Variants in DOCK1 observed in about 807,000 individuals in gnomAD.
The protein encoded by DOCK1 is dedicator of cytokinesis protein 1.
Under a neutral mutation model 262.7 loss-of-function variants are expected in DOCK1, and 138 were observed. That is an observed-to-expected ratio of 0.53 (90% CI 0.46 to 0.61). The LOEUF is 0.61. Ranked by LOEUF, DOCK1 falls within the 20% of genes least tolerant of loss-of-function variation. DOCK1 has a pLI of 0.00. For synonymous variants in DOCK1, 866 were observed against 867.4 expected (o/e 1.00, Z 0.03); for missense variants, 1,908 against 2,370.7 (o/e 0.80, Z 4.05).
chr10:127,031,688 G>A lies in DOCK1; in HGVS notation c.1663G>A (p.Val555Ile). The change falls in exon 17 of 52, where the codon GTC (valine) becomes ATC (isoleucine). Residue 555 changes from valine to isoleucine, a missense_variant. Physicochemically the swap from Val to Ile is conservative, Grantham distance 29. Coordinates refer to ENST00000623213, the MANE Select transcript of DOCK1 (RefSeq NM_001290223.2). Reference protein sequence around the residue: ...KSEKIFALAFVKLMRYDGTTL... With the variant: ...KSEKIFALAFIKLMRYDGTTL... ...TGAGAAAATATTTGCACTAGCATTT[G>A]TCAAGCTGATGAGATACGATGGTAC... 1.2e-6 allele frequency: 2 copies of A among 1,612,796 alleles called. No homozygotes were observed. Among genetic ancestry groups the A allele is most frequent in the Non-Finnish European group, 8.5e-7 (1 of 1,179,750 alleles).
intron 28 of DOCK1, among the ~76,000 whole-genome samples, chr10:127,251,999 C>G (rs1286344944): frequency 6.6e-6 from 1 of 152,026 alleles, no homozygotes; most frequent in African/African-American, 2.4e-5. Context: ...TACAGTCCCA[C>G]CAACAGTGTA....
intron 22 of DOCK1, among the ~76,000 whole-genome samples, chr10:127,054,005 T>A (rs2044949745): frequency 6.6e-6 from 1 of 152,218 alleles, no homozygotes; most frequent in Admixed American, 6.5e-5. Flanking sequence ...TGAACCTGTG[T>A]CCCTCTGAAT....
At chr10:127,049,064 G>A (rs2044533783) in intron 21 of DOCK1, among the ~76,000 whole-genome samples, 1 of 117,676 alleles carries the variant, frequency 8.5e-6, no homozygotes, top group South Asian at 2.6e-4. Flanking sequence ...TTTTCACGTT[G>A]ATTTTGTATA....
At chr10:126,984,300 CCATT>C (rs2039194731) in intron 4 of DOCK1, among the ~76,000 whole-genome samples, 1 of 151,818 alleles carries the variant, frequency 6.6e-6, no homozygotes, top group Admixed American at 6.6e-5. Context: ...CTGCTATGTC[CCATT>C]CATTCTCTTT....
rs56689236 is a variant in DOCK1 at position 127,268,503 on chromosome 10, C to CAAAAAA, written c.3044+11088_3044+11093dup. On this transcript the variant is annotated intron_variant, in intron 29 of 51. Coordinates refer to ENST00000623213, the MANE Select transcript of DOCK1 (RefSeq NM_001290223.2). Reference sequence around the variant, plus strand: ...TGGGTGACAGACCGAGACTCCACCTCAAAAAAAAAAAAAAAAAAAGAAGAG... The same window carrying CAAAAAA: ...TGGGTGACAGACCGAGACTCCACCTCAAAAAAAAAAAAAAAAAAAAAAAAAGAAGAG... Among the ~76,000 whole-genome samples, 651 of 69,444 alleles carry CAAAAAA rather than the reference C, an allele frequency of 9.4e-3. 57 individuals carry two copies. The highest frequency in any genetic ancestry group is 0.026 in the African/African-American group (439 of 16,798). The allele number at this position is 69,444 out of a possible 152,430, so 45.6% of individuals were successfully genotyped here. A position where few individuals can be genotyped will look rare whatever the true frequency, so the allele number is the denominator to read the frequency against.
chr10:127,163,486 A>G (rs1325786014), intron 27 of DOCK1, among the ~76,000 whole-genome samples: 1 of 152,154 alleles, frequency 6.6e-6, no homozygotes, highest in Non-Finnish European at 1.5e-5. Flanking sequence ...CCAGAAGTAG[A>G]GTAGATGACT....
chr10:127,143,353 T>A (rs1390157792), intron 27 of DOCK1, among the ~76,000 whole-genome samples: 1 of 152,212 alleles, frequency 6.6e-6, no homozygotes, highest in East Asian at 1.9e-4. Context: ...CTGCCTTTAA[T>A]TCTCTTTGAA....
chr10:126,923,816 T>C (rs1410708923), intron 1 of DOCK1, among the ~76,000 whole-genome samples: 1 of 152,136 alleles, frequency 6.6e-6, no homozygotes, highest in African/African-American at 2.4e-5. Flanking sequence ...GATTAGGTCA[T>C]GAGGGCTGAG....
chr10:127,034,894 C>T (rs1456393714), intron 18 of DOCK1, among the ~76,000 whole-genome samples: 6 of 152,154 alleles, frequency 3.9e-5, no homozygotes, highest in Admixed American at 1.3e-4. Flanking sequence ...GACATCCCCC[C>T]GGGGGGTGGG....
chr10:127,354,753 A>G (rs759783728), intron 32 of DOCK1, 26 bp downstream of exon 32: 27 of 1,613,668 alleles, frequency 1.7e-5, no homozygotes, highest in South Asian at 1.4e-4. Flanking sequence ...GTGGGGGCAT[A>G]GTGAATATCT....
chr10:127,000,015 A>G (rs116964639), intron 9 of DOCK1, among the ~76,000 whole-genome samples, 157 bp from the exon 10 acceptor site: 42 of 152,312 alleles, frequency 2.8e-4, no homozygotes, highest in Non-Finnish European at 5.0e-4. Context: ...GTAATTGACT[A>G]TTGTTATTAA....
chr10:126,947,458 T>TGGG, intron 1 of DOCK1, among the ~76,000 whole-genome samples: 1 of 125,178 alleles, frequency 8.0e-6, no homozygotes, highest in African/African-American at 3.1e-5. Context: ...GTGGTGGTGG[T>TGGG]TGGTAGTATT....
chr10:127,166,062 C>CTTAT lies in DOCK1; in HGVS notation c.2847+38313_2847+38316dup, dbSNP rs545769676. On this transcript the variant is annotated intron_variant, in intron 27 of 51. Transcript: ENST00000623213. ...AAAATTTAAAAAATGCCTGCATTTT[C>CTTAT]TTATTTATTTATTTATTTTCTGAGA... 2.4e-3 allele frequency among the ~76,000 whole-genome samples: 366 copies of CTTAT among 152,130 alleles called. 1 individual carries two copies. Among genetic ancestry groups the CTTAT allele is most frequent in the Admixed American group, 4.1e-3 (63 of 15,272 alleles).
chr10:127,037,829 C>T lies in DOCK1; in HGVS notation c.2010+13C>T. On this transcript the variant is annotated intron_variant, in intron 19 of 51. Transcript: ENST00000623213. Reference sequence around the variant, plus strand: ...TGAAGTAGTGAAGGTAACATGGAGCCCAAAGGGACTTTTTGGGTCTTTTTT... The same window carrying T: ...TGAAGTAGTGAAGGTAACATGGAGCTCAAAGGGACTTTTTGGGTCTTTTTT... 6.5e-7 allele frequency: 1 copy of T among 1,528,008 alleles called. No homozygotes were observed. The highest frequency in any genetic ancestry group is 1.4e-5 in the African/African-American group (1 of 70,456). The allele number at this position is 1,528,008 out of a possible 1,614,324, so 94.7% of individuals were successfully genotyped here.
intron 2 of DOCK1, among the ~76,000 whole-genome samples, chr10:126,976,910 T>C (rs1392981568): frequency 1.3e-5 from 2 of 152,174 alleles, no homozygotes; most frequent in Admixed American, 1.3e-4. Context: ...ATTTTTGTAT[T>C]TTTTATTAGA....
intron 31 of DOCK1, among the ~76,000 whole-genome samples, chr10:127,347,965 A>G (rs1045055536): frequency 1.4e-5 from 2 of 144,422 alleles, no homozygotes; most frequent in Admixed American, 1.4e-4. Flanking sequence ...AAAACAATAG[A>G]AATTCCAGCA....
At chr10:127,373,557 T>A (rs1426253334) in intron 33 of DOCK1, among the ~76,000 whole-genome samples, 1 of 152,120 alleles carries the variant, frequency 6.6e-6, no homozygotes, top group Non-Finnish European at 1.5e-5. Context: ...ACGTGCAGGT[T>A]CAGGCTCCAT....
At chr10:126,955,852 A>C (rs1474980112) in intron 1 of DOCK1, among the ~76,000 whole-genome samples, 2 of 152,108 alleles carry the variant, frequency 1.3e-5, no homozygotes, top group African/African-American at 4.8e-5. Context: ...TTTATCAAGC[A>C]GTTAACTAAG....
At position 127,120,562 on chromosome 10, in the gene DOCK1, T is replaced by TA. The variant is rs1380836386; in HGVS notation, c.2624-4911dup. Among the ~76,000 whole-genome samples the TA allele has an allele frequency of 4.6e-5, 7 of 152,220 alleles. 1 individual carries two copies. The South Asian group carries it at 8.3e-4, about 18-fold the overall frequency. ...TCTCTGAAGTCCAGTATTTTACACT[T>TA]ACAGCACATCTCTGTTTGGATGTGA... On this transcript the variant is annotated intron_variant, in intron 25 of 51. Coordinates refer to ENST00000623213, the MANE Select transcript of DOCK1 (RefSeq NM_001290223.2).
Sources: gnomAD v4.1 joint callset for allele counts (sites outside exome capture counted in the v4.1 genomes callset) on GRCh38, gnomAD v4.1.1 for gene constraint, MANE v1.5 for transcripts, NCBI Gene and HGNC (gene_info 2026-07-23, HGNC 2026-07-21) for gene names.